ATP6V1C2: variants seen among roughly 807,000 people sequenced by gnomAD.
ATP6V1C2 encodes the protein V-type proton ATPase subunit C 2.
In ATP6V1C2, 45 loss-of-function variants were observed where a neutral mutation model predicts 56.8. The observed-to-expected ratio is 0.79, with a 90% CI of 0.62 to 1.02. ATP6V1C2 has a LOEUF of 1.02. Among genes scored for constraint, ATP6V1C2 ranks in the 50% least tolerant of loss-of-function variants. ATP6V1C2 has a pLI of 0.00. For missense variants in ATP6V1C2, 463 were observed against 519.7 expected, an observed-to-expected ratio of 0.89 and a Z score of 1.06; for synonymous variants, 220 against 201.3, an observed-to-expected ratio of 1.09 and a Z score of -0.79.
intron 13 of ATP6V1C2, 21 bp from the exon 14 acceptor site, chr2:10,783,153 T>C (rs771344537): frequency 1.1e-5 from 17 of 1,589,478 alleles, no homozygotes; most frequent in Non-Finnish European, 1.5e-5. Flanking sequence ...ACTTAGAGCA[T>C]TACCATGTCT....
At chr2:10,727,665 G>A (rs1050378031) in intron 3 of ATP6V1C2, among the ~76,000 whole-genome samples, 4 of 152,160 alleles carry the variant, frequency 2.6e-5, no homozygotes, top group African/African-American at 7.2e-5. Flanking sequence ...TTGGGAGGCC[G>A]AGGCAGGTGG....
chr2:10,742,920 G>T (rs1038887884), intron 3 of ATP6V1C2, among the ~76,000 whole-genome samples: 1 of 152,082 alleles, frequency 6.6e-6, no homozygotes, highest in Admixed American at 6.5e-5. Context: ...TGCCTGCCCA[G>T]CACCCAAAGG....
rs148586990 is a variant in ATP6V1C2 at position 10,745,632 on chromosome 2, C to T, written c.198-8349C>T. Among the ~76,000 whole-genome samples the T allele has an allele frequency of 5.8e-3, 878 of 152,262 alleles. 8 individuals carry two copies. Among genetic ancestry groups the T allele is most frequent in the African/African-American group, 0.02 (819 of 41,540 alleles). ...CTGGGTTTACAGGCATGAGCCACCA[C>T]GCCCGGCCAACCATTTTTAAGTGTA... On this transcript the variant is annotated intron_variant, in intron 3 of 13. Coordinates refer to ENST00000272238, the MANE Select transcript of ATP6V1C2 (RefSeq NM_001039362.2).
intron 3 of ATP6V1C2, among the ~76,000 whole-genome samples, chr2:10,733,091 A>G (rs1050979190): frequency 6.6e-6 from 1 of 152,250 alleles, no homozygotes; most frequent in Non-Finnish European, 1.5e-5. Context: ...AGGTGTGGCA[A>G]GAATGAAAAA....
chr2:10,722,252 C>T (rs1237704072), intron 1 of ATP6V1C2, among the ~76,000 whole-genome samples: 2 of 152,114 alleles, frequency 1.3e-5, no homozygotes, highest in Non-Finnish European at 2.9e-5. Context: ...TGAGCGGGCA[C>T]CTCGCCTAGT....
chr2:10,745,964 T>C (rs1225269035), intron 3 of ATP6V1C2, among the ~76,000 whole-genome samples: 1 of 152,222 alleles, frequency 6.6e-6, no homozygotes, highest in Non-Finnish European at 1.5e-5. Context: ...GGCTGACTAG[T>C]GCCGCATCGT....
intron 13 of ATP6V1C2, 74 bp from the exon 14 acceptor site, chr2:10,783,100 C>A: frequency 8.3e-7 from 1 of 1,206,866 alleles, no homozygotes; most frequent in Non-Finnish European, 1.2e-6. Context: ...GCCTGGCGAG[C>A]TTCCTCAAAA....
intron 3 of ATP6V1C2, among the ~76,000 whole-genome samples, chr2:10,726,855 C>G (rs1661669432): frequency 6.6e-6 from 1 of 152,110 alleles, no homozygotes; most frequent in South Asian, 2.1e-4. Flanking sequence ...GGTGTAGTTT[C>G]CCACCAAGCC....
chr2:10,770,728 A>G (rs1664546443), intron 6 of ATP6V1C2, among the ~76,000 whole-genome samples: 1 of 152,248 alleles, frequency 6.6e-6, no homozygotes, highest in Non-Finnish European at 1.5e-5. Flanking sequence ...TACTAAGTGC[A>G]TATACCAAGT....
intron 10 of ATP6V1C2, among the ~76,000 whole-genome samples, chr2:10,775,312 G>A (rs967767490): frequency 1.3e-5 from 2 of 152,218 alleles, no homozygotes; most frequent in Admixed American, 6.5e-5. Context: ...CCAAGCTGGC[G>A]CTTTCCACAT....
chr2:10,736,457 T>C (rs1662250491), intron 3 of ATP6V1C2, among the ~76,000 whole-genome samples: 1 of 152,200 alleles, frequency 6.6e-6, no homozygotes, highest in Non-Finnish European at 1.5e-5. Flanking sequence ...ACCTATATAT[T>C]GTATCTATGC....
intron 3 of ATP6V1C2, among the ~76,000 whole-genome samples, chr2:10,752,869 C>T (rs1663298982): frequency 6.6e-6 from 1 of 152,000 alleles, no homozygotes; most frequent in Admixed American, 6.6e-5. Context: ...CGTGGTGGGC[C>T]TCTGTAATCC....
intron 3 of ATP6V1C2, among the ~76,000 whole-genome samples, chr2:10,747,284 AAAAAG>A (rs1662970922): frequency 6.6e-6 from 1 of 152,188 alleles, no homozygotes; most frequent in Non-Finnish European, 1.5e-5. Context: ...AAGAAAGAAA[AAAAAG>A]AAAAGAATTC....
chr2:10,784,426 T>G lies in ATP6V1C2; in HGVS notation c.*1163T>G. 1.2e-6 allele frequency: 1 copy of G among 866,712 alleles called. No homozygotes were observed. The highest frequency in any genetic ancestry group is 1.8e-6 in the Non-Finnish European group (1 of 557,512). The allele number at this position is 866,712 out of a possible 1,614,324, so 53.7% of individuals were successfully genotyped here. ...AAGAGCGACTCTCTGGAGCTACTCC[T>G]GCTACAATCCAGGTTCTCCTCAGTC... On this transcript the variant is annotated 3_prime_UTR_variant, in exon 14 of 14. Transcript: ENST00000272238.
In ATP6V1C2 at chr2:10,753,429, G is replaced by A. The variant is rs143748723; in HGVS notation, c.198-552G>A. Among the ~76,000 whole-genome samples, 210 of 152,126 alleles carry A rather than the reference G, an allele frequency of 1.4e-3. 1 individual carries two copies. The highest frequency in any genetic ancestry group is 5.0e-3 in the African/African-American group (206 of 41,484). On this transcript the variant is annotated intron_variant, in intron 3 of 13. Coordinates refer to ENST00000272238, the MANE Select transcript of ATP6V1C2 (RefSeq NM_001039362.2). The stretch of plus-strand genomic sequence containing the variant: ...TCTCCAGTTCTTTACTGTCAGCAGC[G>A]TGCTGTGAAGAACATCGTTTTATTC...
chr2:10,734,399 T>G (rs528447829), intron 3 of ATP6V1C2, among the ~76,000 whole-genome samples: 1 of 152,320 alleles, frequency 6.6e-6, no homozygotes, highest in Non-Finnish European at 1.5e-5. Flanking sequence ...TTTTGACGTC[T>G]TCTTGTGGGA....
chr2:10,782,092 G>A (rs768487778), intron 12 of ATP6V1C2, 151 bp from the exon 13 acceptor site: 11 of 868,050 alleles, frequency 1.3e-5, no homozygotes, highest in East Asian at 7.5e-5. Flanking sequence ...AGAGATCACC[G>A]CTGACCCTAG....
At chr2:10,779,135 A>C in intron 12 of ATP6V1C2, among the ~76,000 whole-genome samples, 2 of 149,626 alleles carry the variant, frequency 1.3e-5, no homozygotes, top group Non-Finnish European at 1.5e-5. Context: ...ATGGAGTTTC[A>C]CTCTTGTCGC....
chr2:10,759,652 C>G (rs902523262), intron 4 of ATP6V1C2, among the ~76,000 whole-genome samples: 4 of 152,082 alleles, frequency 2.6e-5, no homozygotes, highest in African/African-American at 7.2e-5. Flanking sequence ...GTGTTCCAAG[C>G]AGCAGAGGGC....
Sources: allele counts gnomAD v4.1 joint callset (sites outside exome capture counted in the v4.1 genomes callset), GRCh38; gene constraint gnomAD v4.1.1; transcripts MANE v1.5; gene names NCBI Gene and HGNC (gene_info 2026-07-23, HGNC 2026-07-21).